WFIKKN2: variants seen among roughly 807,000 people sequenced by gnomAD.
The protein encoded by WFIKKN2 is WAP, follistatin/kazal, immunoglobulin, kunitz and netrin domain containing 2.
In WFIKKN2, 25 loss-of-function variants were observed where a neutral mutation model predicts 39.2. The ratio of observed to expected loss-of-function variants is 0.64; its 90% CI spans 0.47 to 0.89. The LOEUF is 0.89. Among genes scored for constraint, WFIKKN2 ranks in the 40% least tolerant of loss-of-function variants. The probability of loss-of-function intolerance (pLI) is 0.00; values close to 1 mark genes in which losing one functional copy is unlikely to be tolerated. For missense variants in WFIKKN2, 770 were observed against 811.7 expected, an observed-to-expected ratio of 0.95 and a Z score of 0.62; for synonymous variants, 345 against 329.7, an observed-to-expected ratio of 1.05 and a Z score of -0.50.
chr17:50,837,566 C>T (rs1418339136), intron 1 of WFIKKN2, among the ~76,000 whole-genome samples: 3 of 152,204 alleles, frequency 2.0e-5, no homozygotes, highest in East Asian at 1.9e-4. Context: ...GAGGGCAGCA[C>T]GGAGTCTCCC....
At position 50,835,674 on chromosome 17, in the gene WFIKKN2, C is replaced by T. The variant is rs1971944416; in HGVS notation, c.-264C>T. 5 of 490,350 alleles carry T rather than the reference C, an allele frequency of 1.0e-5. No individual in the cohort carries two copies. Among genetic ancestry groups the T allele is most frequent in the Non-Finnish European group, 1.8e-5 (5 of 279,554 alleles). 30.4% of individuals were successfully genotyped at this position (490,350 alleles called of 1,614,324 possible). A position where few individuals can be genotyped will look rare whatever the true frequency, so the allele number is the denominator to read the frequency against. On this transcript the variant is annotated 5_prime_UTR_variant, in exon 1 of 2. Coordinates refer to ENST00000311378, the MANE Select transcript of WFIKKN2 (RefSeq NM_175575.6). ...CCCAGGATATAAATCCGGGCGCGGG[C>T]CCCTGCTGTGGCTCCTCTCCCTGCA... is the stretch of plus-strand genomic sequence containing the variant.
At chr17:50,836,252 AG>A in intron 1 of WFIKKN2, 105 bp downstream of exon 1, 1 of 1,341,148 alleles carries the variant, frequency 7.5e-7, no homozygotes, top group South Asian at 1.4e-5. Context: ...GGACAACGTG[AG>A]TGGGGTCCAG....
At position 50,839,846 on chromosome 17, in the gene WFIKKN2, C is replaced by T. The variant is rs1972010521; in HGVS notation, c.558C>T (p.Pro186=). ...RYHFTWPNTS[P]PPPETTMHPT... is the part of the protein sequence containing the mutation. ...ACTTCACCTGGCCCAACACCAGCCC[C>T]CCACCACCTGAGACCACCATGCACC... Residue 186 remains proline, a synonymous_variant, in exon 2 of 2, where the codon CCC becomes CCT. Coordinates refer to ENST00000311378, the MANE Select transcript of WFIKKN2 (RefSeq NM_175575.6). The T allele has an allele frequency of 3.1e-6, 5 of 1,614,234 alleles. No individual in the cohort carries two copies. Among genetic ancestry groups the T allele is most frequent in the Non-Finnish European group, 4.2e-6 (5 of 1,180,032 alleles).
At position 50,840,618 on chromosome 17, in the gene WFIKKN2, C is replaced by G. The variant is rs931183800; in HGVS notation, c.1330C>G (p.Arg444Gly). 2.5e-6 allele frequency: 4 copies of G among 1,613,984 alleles called. No individual in the cohort carries two copies. Among genetic ancestry groups the G allele is most frequent in the East Asian group, 2.2e-5 (1 of 44,882 alleles). The part of the protein sequence containing the change: ...ESCPFPRGNQ[R>G]CRACKPRQKL... ...GTGCCCCTTCCCCAGGGGGAACCAG[C>G]GCTGTCGGGCCTGCAAGCCTCGGCA... Residue 444 changes from arginine to glycine, a missense_variant, in exon 2 of 2, where the codon CGC (arginine) becomes GGC (glycine). Coordinates refer to ENST00000311378, the MANE Select transcript of WFIKKN2 (RefSeq NM_175575.6).
chr17:50,839,273 C>T (rs908076575), intron 1 of WFIKKN2, among the ~76,000 whole-genome samples: 2 of 152,234 alleles, frequency 1.3e-5, no homozygotes, highest in Admixed American at 6.5e-5. Context: ...CTATACCCAC[C>T]TCTGGCTTGT....
chr17:50,841,247 T>C lies in WFIKKN2; in HGVS notation c.*228T>C. 2.3e-6 allele frequency: 1 copy of C among 442,022 alleles called. No individual in the cohort carries two copies. Among genetic ancestry groups the C allele is most frequent in the Non-Finnish European group, 4.0e-6 (1 of 252,352 alleles). The allele number at this position is 442,022 out of a possible 1,614,324, so 27.4% of individuals were successfully genotyped here. A position where few individuals can be genotyped will look rare whatever the true frequency, so the allele number is the denominator to read the frequency against. Reference sequence around the variant, plus strand: ...TGAGGGGGACAAGAGGAGAAGTCAGTGGACACATGGAAGTTACTCGTGACC... The same window carrying C: ...TGAGGGGGACAAGAGGAGAAGTCAGCGGACACATGGAAGTTACTCGTGACC... On this transcript the variant is annotated 3_prime_UTR_variant, in exon 2 of 2. Coordinates refer to ENST00000311378, the MANE Select transcript of WFIKKN2 (RefSeq NM_175575.6).
intron 1 of WFIKKN2, among the ~76,000 whole-genome samples, chr17:50,837,489 G>A (rs993618756): frequency 2.0e-4 from 30 of 152,026 alleles, no homozygotes; most frequent in African/African-American, 6.5e-4. Context: ...CCCCCTCTGG[G>A]GCAACAGGCT....
chr17:50,839,014 G>A (rs1431920087), intron 1 of WFIKKN2, among the ~76,000 whole-genome samples: 1 of 152,174 alleles, frequency 6.6e-6, no homozygotes, highest in African/African-American at 2.4e-5. Flanking sequence ...ATATGATGCA[G>A]GAGAAAAAAC....
chr17:50,840,627 G>T lies in WFIKKN2; in HGVS notation c.1339G>T (p.Ala447Ser). 6.2e-7 allele frequency: 1 copy of T among 1,613,976 alleles called. No individual in the cohort carries two copies. Among genetic ancestry groups the T allele is most frequent in the Non-Finnish European group, 8.5e-7 (1 of 1,180,022 alleles). The change falls in exon 2 of 2, where the codon GCC becomes TCC. Residue 447 changes from alanine (A) to serine (S), a missense_variant. Transcript: ENST00000311378. Reference sequence around the variant, plus strand: ...CCCCAGGGGGAACCAGCGCTGTCGGGCCTGCAAGCCTCGGCAGAAGCTCGT... The same window carrying T: ...CCCCAGGGGGAACCAGCGCTGTCGGTCCTGCAAGCCTCGGCAGAAGCTCGT... The part of the protein sequence containing the change: ...PFPRGNQRCR[A>S]CKPRQKLVTS...
intron 1 of WFIKKN2, among the ~76,000 whole-genome samples, chr17:50,837,915 TG>T (rs1009958313): frequency 6.6e-6 from 1 of 152,188 alleles, no homozygotes; most frequent in African/African-American, 2.4e-5. Context: ...TTGTGTGTCT[TG>T]GAGAGAAGGC....
At position 50,835,977 on chromosome 17, in the gene WFIKKN2, G is replaced by A; in HGVS notation, c.40G>A (p.Glu14Lys). ...PRCRRFWSRW[E>K]QVAALLLLLL... ...GTGTCGCCGGTTCTGGTCTCGCTGG[G>A]AGCAGGTGGCAGCGCTGCTGCTGCT... Residue 14 changes from glutamate (E) to lysine (K), a missense_variant, in exon 1 of 2, where the codon GAG becomes AAG. Physicochemically the swap from Glu to Lys is moderately conservative, Grantham distance 56. Transcript: ENST00000311378. 1 of 1,609,798 alleles carries A rather than the reference G, an allele frequency of 6.2e-7. No individual in the cohort carries two copies. The highest frequency in any genetic ancestry group is 8.5e-7 in the Non-Finnish European group (1 of 1,178,506).
At chr17:50,839,026 C>T (rs1174759236) in intron 1 of WFIKKN2, among the ~76,000 whole-genome samples, 1 of 152,214 alleles carries the variant, frequency 6.6e-6, no homozygotes, top group Non-Finnish European at 1.5e-5. Context: ...AGAAAAAACT[C>T]CATTTCTCAA....
At chr17:50,834,585 G>C (rs1971933011), upstream of WFIKKN2, 1 of 152,272 alleles carries the variant, frequency 6.6e-6, no homozygotes, top group Non-Finnish European at 1.5e-5. Context: ...CAGCAAGCTG[G>C]TGTCCCTGTT....
chr17:50,835,241 C>T (rs1216423580), upstream of WFIKKN2, among the ~76,000 whole-genome samples: 4 of 152,210 alleles, frequency 2.6e-5, no homozygotes, highest in Admixed American at 6.5e-5. Flanking sequence ...GTCATTTGCT[C>T]TCAAATGTAC....
intron 1 of WFIKKN2, 80 bp from the exon 2 acceptor site, chr17:50,839,419 C>A: frequency 7.2e-7 from 1 of 1,393,598 alleles, no homozygotes; most frequent in Non-Finnish European, 9.7e-7. Flanking sequence ...AGTTCTCCTC[C>A]CCACAAACCA....
Position 50,835,959 on chromosome 17 carries a change from C to G in WFIKKN2, c.22C>G (p.Arg8Gly), listed in dbSNP as rs771138910. The G allele has an allele frequency of 3.1e-6, 5 of 1,610,680 alleles. No homozygotes were observed. The African/African-American group carries it at 4.0e-5, about 13-fold the overall frequency. ...CACCATGTGGGCCCCAAGGTGTCGC[C>G]GGTTCTGGTCTCGCTGGGAGCAGGT... MWAPRCRRFWSRWEQVAA... is the reference protein window; with the variant it reads MWAPRCRGFWSRWEQVAA... The change falls in exon 1 of 2, where the codon CGG becomes GGG. Residue 8 changes from arginine (R) to glycine (G), a missense_variant. Coordinates refer to ENST00000311378, the MANE Select transcript of WFIKKN2 (RefSeq NM_175575.6).
In WFIKKN2 at chr17:50,835,633, C is replaced by G. The variant is rs1971943783; in HGVS notation, c.-305C>G. On this transcript the variant is annotated 5_prime_UTR_variant, in exon 1 of 2. Coordinates refer to ENST00000311378, the MANE Select transcript of WFIKKN2 (RefSeq NM_175575.6). The stretch of plus-strand genomic sequence containing the variant: ...TGACAGGCATCAGGTTAGCTGGCTC[C>G]CACTCGGGTGGCGCGCCCAGGATAT... 7.2e-6 allele frequency: 3 copies of G among 413,888 alleles called. No homozygotes were observed. Among genetic ancestry groups the G allele is most frequent in the Non-Finnish European group, 1.3e-5 (3 of 233,168 alleles). The allele number at this position is 413,888 out of a possible 1,614,324, so 25.6% of individuals were successfully genotyped here.
rs1309830357 is a variant in WFIKKN2, at chr17:50,836,047, C to T, written c.110C>T (p.Pro37Leu). The T allele has an allele frequency of 6.2e-7, 1 of 1,604,028 alleles. No homozygotes were observed. Among genetic ancestry groups the T allele is most frequent in the South Asian group, 1.1e-5 (1 of 89,654 alleles). ...CCCCCGCGAAGCCTGGCGCTGCCGC[C>T]CATCCGCTATTCCCACGCCGGCATC... ...GVPPRSLALP[P>L]IRYSHAGICP... Residue 37 changes from proline (P) to leucine (L), a missense_variant, in exon 1 of 2, where the codon CCC becomes CTC. Physicochemically the swap from Pro to Leu is moderately conservative, Grantham distance 98 (BLOSUM62 -3). Coordinates refer to ENST00000311378, the MANE Select transcript of WFIKKN2 (RefSeq NM_175575.6).
At chr17:50,839,017 G>GA (rs1418309372) in intron 1 of WFIKKN2, among the ~76,000 whole-genome samples, 2 of 152,184 alleles carry the variant, frequency 1.3e-5, no homozygotes, top group African/African-American at 4.8e-5. Flanking sequence ...TGATGCAGGA[G>GA]AAAAAACTCC....
Sources: allele counts gnomAD v4.1 joint callset (sites outside exome capture counted in the v4.1 genomes callset), GRCh38; gene constraint gnomAD v4.1.1; transcripts MANE v1.5; gene names NCBI Gene and HGNC (gene_info 2026-07-23, HGNC 2026-07-21).